HS3ST5: variants seen among roughly 807,000 people sequenced by gnomAD.
HS3ST5 encodes heparan sulfate glucosamine 3-O-sulfotransferase 5.
Under a neutral mutation model 25.4 loss-of-function variants are expected in HS3ST5, and 10 were observed. That is an observed-to-expected ratio of 0.39 (90% confidence interval 0.24 to 0.67). The LOEUF is 0.67. HS3ST5 is among the 30% of genes least tolerant of loss of function. The probability of loss-of-function intolerance (pLI) is 0.44; values close to 1 mark genes in which losing one functional copy is unlikely to be tolerated. For synonymous variants in HS3ST5, 170 were observed against 162.4 expected (o/e 1.05, Z -0.36); for missense variants, 324 against 420.7 (o/e 0.77, Z 2.01).
At chr6:114,155,139 C>T (rs747048466) in intron 3 of HS3ST5, among the ~76,000 whole-genome samples, 2 of 152,144 alleles carry the variant, frequency 1.3e-5, no homozygotes, top group Admixed American at 1.3e-4. Context: ...AACAATATCT[C>T]TCAGGCTTAA....
In HS3ST5 at chr6:114,224,768, G is replaced by C. The variant is rs1457674466; in HGVS notation, c.-145+3817C>G. 2.0e-5 allele frequency among the ~76,000 whole-genome samples: 3 copies of C among 150,574 alleles called. No homozygotes were observed. In the East Asian group the frequency reaches 5.8e-4, roughly 29 times the overall value. ...TTCCTAATTTTTGTTAGTTGTTTTA[G>C]TTTTACATTGTCAGGACATTATACT... On this transcript the variant is annotated intron_variant, in intron 2 of 4. Coordinates refer to ENST00000312719, the MANE Select transcript of HS3ST5 (RefSeq NM_153612.4).
chr6:114,206,699 T>G (rs183401519), intron 2 of HS3ST5, among the ~76,000 whole-genome samples: 13 of 152,270 alleles, frequency 8.5e-5, no homozygotes, highest in Non-Finnish European at 1.5e-5. Context: ...CTTTAAAACA[T>G]TAGTCGAATA....
chr6:114,135,433 G>A (rs113278846), intron 3 of HS3ST5, among the ~76,000 whole-genome samples: 1,949 of 152,256 alleles, frequency 0.013, 25 homozygotes, highest in Non-Finnish European at 0.015. Flanking sequence ...AGGTAGATGA[G>A]GATGTGAATG....
intron 2 of HS3ST5, among the ~76,000 whole-genome samples, chr6:114,213,906 C>A (rs1412721233): frequency 6.6e-6 from 1 of 152,136 alleles, no homozygotes; most frequent in African/African-American, 2.4e-5. Context: ...CTCTCTATAC[C>A]TATAAATTGT....
chr6:114,085,944 C>CA (rs1422024435), intron 3 of HS3ST5, among the ~76,000 whole-genome samples: 1 of 136,596 alleles, frequency 7.3e-6, no homozygotes, highest in East Asian at 2.5e-4. Flanking sequence ...GCCCCCCCCC[C>CA]CATTTAATCA....
chr6:114,107,684 A>T (rs779929410), intron 3 of HS3ST5, among the ~76,000 whole-genome samples: 1 of 152,242 alleles, frequency 6.6e-6, no homozygotes, highest in Non-Finnish European at 1.5e-5. Flanking sequence ...AGTTGAGCAT[A>T]TAAACTCAGC....
intron 3 of HS3ST5, among the ~76,000 whole-genome samples, chr6:114,076,241 C>T (rs542250985): frequency 6.6e-6 from 1 of 152,254 alleles, no homozygotes; most frequent in African/African-American, 2.4e-5. Context: ...TTGTGTAAAC[C>T]ACTTAACCCC....
rs746452520 is a variant in HS3ST5 at position 114,058,037 on chromosome 6, G to A, written c.261C>T (p.Val87=). The A allele has an allele frequency of 3.1e-6, 5 of 1,614,066 alleles. No individual in the cohort carries two copies. The Admixed American group carries it at 8.3e-5, about 27-fold the overall frequency. ...SKEQVRLHDL[V]QQLPKAIIIG... is the part of the protein sequence containing the mutation. ...TGATAATGGCCTTGGGGAGCTGCTG[G>A]ACCAGGTCATGGAGGCGAACCTGCT... Residue 87 remains valine (V), a synonymous_variant, in exon 5 of 5, where the codon GTC becomes GTT. Coordinates refer to ENST00000312719, the MANE Select transcript of HS3ST5 (RefSeq NM_153612.4).
rs143925308 is a variant in HS3ST5 at position 114,160,344 on chromosome 6, A to G, written c.-33+8007T>C. On this transcript the variant is annotated intron_variant, in intron 3 of 4. Coordinates refer to ENST00000312719, the MANE Select transcript of HS3ST5 (RefSeq NM_153612.4). The stretch of plus-strand genomic sequence containing the variant: ...AACGACTAAAAAAAAATCTCTATCA[A>G]AGTGCTAATTCATATTATTTTACAA... Among the ~76,000 whole-genome samples, 25 of 152,266 alleles carry G rather than the reference A, an allele frequency of 1.6e-4. 1 individual carries two copies. The East Asian group carries it at 4.8e-3, about 29-fold the overall frequency.
intron 3 of HS3ST5, among the ~76,000 whole-genome samples, chr6:114,119,096 G>A (rs1282913872): frequency 6.6e-6 from 1 of 152,162 alleles, no homozygotes; most frequent in Non-Finnish European, 1.5e-5. Context: ...CAAAAAGAAC[G>A]AAGGCACTAA....
chr6:114,130,110 T>G (rs1408112479), intron 3 of HS3ST5, among the ~76,000 whole-genome samples: 1 of 152,232 alleles, frequency 6.6e-6, no homozygotes, highest in East Asian at 1.9e-4. Flanking sequence ...TTCTGTGTTG[T>G]CCAGTATGGT....
intron 3 of HS3ST5, among the ~76,000 whole-genome samples, chr6:114,083,139 G>C (rs1582579487): frequency 6.6e-6 from 1 of 152,126 alleles, no homozygotes; most frequent in East Asian, 1.9e-4. Flanking sequence ...TAGAGGTGAT[G>C]GTGGTTTAAA....
chr6:114,278,663 G>A (rs1773973428), intron 1 of HS3ST5, among the ~76,000 whole-genome samples: 1 of 151,972 alleles, frequency 6.6e-6, no homozygotes, highest in Non-Finnish European at 1.5e-5. Flanking sequence ...AAGGCTGAGG[G>A]CAGGTTGGGT....
At chr6:114,278,121 T>C (rs1216446010) in intron 1 of HS3ST5, among the ~76,000 whole-genome samples, 3 of 152,084 alleles carry the variant, frequency 2.0e-5, no homozygotes, top group East Asian at 1.9e-4. Context: ...GGTTAAGTCA[T>C]GAGGGAGGAA....
At chr6:114,170,831 C>A (rs920970242) in intron 2 of HS3ST5, among the ~76,000 whole-genome samples, 1 of 152,226 alleles carries the variant, frequency 6.6e-6, no homozygotes, top group East Asian at 1.9e-4. Context: ...ATTTTAAATG[C>A]TTATATTTAA....
intron 1 of HS3ST5, among the ~76,000 whole-genome samples, chr6:114,322,856 G>A (rs78076400): frequency 0.018 from 2,750 of 152,260 alleles, 41 homozygotes; most frequent in Middle Eastern, 0.037. Context: ...CCGGGGGTAG[G>A]AAAATTATAT....
intron 2 of HS3ST5, among the ~76,000 whole-genome samples, chr6:114,174,052 C>T (rs977041687): frequency 4.6e-5 from 7 of 151,962 alleles, no homozygotes; most frequent in Admixed American, 1.3e-4. Flanking sequence ...TGTGACCTTG[C>T]GTGACTGGGG....
At chr6:114,307,010 C>T (rs1017235450) in intron 1 of HS3ST5, among the ~76,000 whole-genome samples, 10 of 152,304 alleles carry the variant, frequency 6.6e-5, no homozygotes, top group Non-Finnish European at 1.2e-4. Context: ...GCACAATTAA[C>T]GACAGTAGCA....
intron 2 of HS3ST5, among the ~76,000 whole-genome samples, chr6:114,212,715 T>G (rs891064208): frequency 9.2e-5 from 14 of 152,344 alleles, no homozygotes; most frequent in African/African-American, 3.4e-4. Flanking sequence ...TTTACAACAC[T>G]CTTAACTTGC....
Sources: gnomAD v4.1 joint callset for allele counts (sites outside exome capture counted in the v4.1 genomes callset) on GRCh38, gnomAD v4.1.1 for gene constraint, MANE v1.5 for transcripts, NCBI Gene and HGNC (gene_info 2026-07-23, HGNC 2026-07-21) for gene names.